SPRR2G: variants seen among roughly 807,000 people sequenced by gnomAD.
SPRR2G encodes the protein small proline-rich protein 2G.
Under a neutral mutation model 0.7 loss-of-function variants are expected in SPRR2G, and 1 was observed. The observed-to-expected ratio is 1.49, with a 90% CI of 0.53 to 7.06. SPRR2G has a LOEUF of 7.06. Ranked by LOEUF, SPRR2G falls within the 30% of genes most tolerant of loss-of-function variation. The pLI, the probability that SPRR2G is intolerant of heterozygous loss-of-function variation, is 0.14. For synonymous variants in SPRR2G, 38 were observed against 33.9 expected, an observed-to-expected ratio of 1.12 and a Z score of -0.42; for missense variants, 96 against 88.5, an observed-to-expected ratio of 1.09 and a Z score of -0.34.
chr1:153,172,252 C>T, the SPRR2G span, among the ~76,000 whole-genome samples: 1 of 152,310 alleles, frequency 6.6e-6, no homozygotes, highest in African/African-American at 2.4e-5. Flanking sequence ...TCTACTTCTC[C>T]AGACTGTCCC....
At chr1:153,154,944 C>G (rs1656551680), upstream of SPRR2G, among the ~76,000 whole-genome samples, 1 of 152,104 alleles carries the variant, frequency 6.6e-6, no homozygotes, top group African/African-American at 2.4e-5. Context: ...TGCTACATGT[C>G]ACAGTGCCAA....
At chr1:153,160,086 A>G in the SPRR2G span, among the ~76,000 whole-genome samples, 1 of 152,236 alleles carries the variant, frequency 6.6e-6, no homozygotes, top group African/African-American at 2.4e-5. Context: ...AGACCCTGGC[A>G]ACCACCATTC....
At chr1:153,186,332 T>C in the SPRR2G span, among the ~76,000 whole-genome samples, 1 of 152,196 alleles carries the variant, frequency 6.6e-6, no homozygotes, top group Non-Finnish European at 1.5e-5. Context: ...TCTCCCACTA[T>C]TATTGTGTGA....
the SPRR2G span, among the ~76,000 whole-genome samples, chr1:153,201,832 C>G: frequency 2.6e-5 from 4 of 152,208 alleles, no homozygotes; most frequent in African/African-American, 9.7e-5. Context: ...CCTCAGGTCT[C>G]CCCAGTGGCC....
chr1:153,164,576 G>C, the SPRR2G span, among the ~76,000 whole-genome samples: 4 of 152,138 alleles, frequency 2.6e-5, no homozygotes, highest in Non-Finnish European at 5.9e-5. Flanking sequence ...AAAATCCACA[G>C]ATGCTCAAGT....
chr1:153,198,678 G>A, the SPRR2G span, among the ~76,000 whole-genome samples: 2 of 152,158 alleles, frequency 1.3e-5, no homozygotes, highest in Admixed American at 1.3e-4. Context: ...GAGCGCATAA[G>A]AGGAGCAAGA....
chr1:153,183,516 T>A, the SPRR2G span, among the ~76,000 whole-genome samples: 1 of 152,304 alleles, frequency 6.6e-6, no homozygotes, highest in Admixed American at 6.5e-5. Flanking sequence ...ATATATGTCT[T>A]CTTTTGACAA....
At chr1:153,183,073 T>C in the SPRR2G span, among the ~76,000 whole-genome samples, 3 of 151,230 alleles carry the variant, frequency 2.0e-5, no homozygotes, top group Middle Eastern at 3.2e-3. Flanking sequence ...TTTTTCTTTT[T>C]TTTTTTTGGG....
At chr1:153,179,801 T>C in the SPRR2G span, among the ~76,000 whole-genome samples, 2 of 152,150 alleles carry the variant, frequency 1.3e-5, no homozygotes, top group African/African-American at 4.8e-5. Context: ...CTATCTTGTG[T>C]CCTGATTTCT....
the SPRR2G span, among the ~76,000 whole-genome samples, chr1:153,188,181 G>A: frequency 6.6e-6 from 1 of 152,310 alleles, no homozygotes; most frequent in Non-Finnish European, 1.5e-5. Context: ...AGGCACAGGG[G>A]TCAGGGACCC....
At chr1:153,167,594 T>G in the SPRR2G span, among the ~76,000 whole-genome samples, 1 of 152,242 alleles carries the variant, frequency 6.6e-6, no homozygotes, top group Non-Finnish European at 1.5e-5. Context: ...TTGTTTTACA[T>G]CTGTTTAATG....
the SPRR2G span, among the ~76,000 whole-genome samples, chr1:153,195,521 G>A: frequency 3.3e-5 from 5 of 152,268 alleles, no homozygotes; most frequent in Non-Finnish European, 5.9e-5. Flanking sequence ...GGCATCTCAA[G>A]TATGGAGTTT....
chr1:153,195,243 C>T, the SPRR2G span, among the ~76,000 whole-genome samples: 23 of 152,330 alleles, frequency 1.5e-4, no homozygotes, highest in African/African-American at 5.3e-4. Context: ...CAATCTCTTT[C>T]TTCCAGAATC....
At chr1:153,181,182 T>C in the SPRR2G span, among the ~76,000 whole-genome samples, 1 of 152,178 alleles carries the variant, frequency 6.6e-6, no homozygotes, top group South Asian at 2.1e-4. Context: ...TATTACCTGA[T>C]TAAGGAATCT....
chr1:153,174,313 A>G, the SPRR2G span, among the ~76,000 whole-genome samples: 1 of 152,220 alleles, frequency 6.6e-6, no homozygotes, highest in East Asian at 1.9e-4. Context: ...AAACAGAAAA[A>G]GGGTTTATTA....
At position 153,149,789 on chromosome 1, in the gene SPRR2G, G is replaced by A. The variant is rs568839438; in HGVS notation, c.*100C>T. On this transcript the variant is annotated 3_prime_UTR_variant, in exon 2 of 2. Transcript: ENST00000368748. Reference sequence around the variant, plus strand: ...AAGCCAGACAGAGGTTAGGGAAGATGCAGCCTCCCACTACAGCTGAAGGGA... The same window carrying A: ...AAGCCAGACAGAGGTTAGGGAAGATACAGCCTCCCACTACAGCTGAAGGGA... 1.3e-4 allele frequency: 181 copies of A among 1,440,900 alleles called. No homozygotes were observed. The South Asian group carries it at 2.0e-3, about 16-fold the overall frequency. The allele number at this position is 1,440,900 out of a possible 1,614,324, so 89.3% of individuals were successfully genotyped here.
chr1:153,174,136 A>G, the SPRR2G span, among the ~76,000 whole-genome samples: 3 of 152,280 alleles, frequency 2.0e-5, no homozygotes, highest in Admixed American at 2.0e-4. Context: ...AAAAGCTTTG[A>G]TCAGACCTAT....
upstream of SPRR2G, among the ~76,000 whole-genome samples, chr1:153,153,042 ACT>A (rs1051292763): frequency 5.3e-5 from 8 of 152,126 alleles, no homozygotes; most frequent in Admixed American, 5.2e-4. Flanking sequence ...CACTTGAAGC[ACT>A]CTGTGCAAAT....
At chr1:153,182,258 G>A in the SPRR2G span, among the ~76,000 whole-genome samples, 8 of 151,856 alleles carry the variant, frequency 5.3e-5, no homozygotes, top group Middle Eastern at 3.2e-3. Flanking sequence ...CTTTTTAACA[G>A]GATTGTTTGG....
Sources: allele counts gnomAD v4.1 joint callset (sites outside exome capture counted in the v4.1 genomes callset), GRCh38; gene constraint gnomAD v4.1.1; transcripts MANE v1.5; gene names NCBI Gene and HGNC (gene_info 2026-07-23, HGNC 2026-07-21).